Variants in RAB27B observed in about 807,000 individuals in gnomAD.
RAB27B encodes RAB27B, member RAS oncogene family, also known as ras-related protein Rab-27B.
A neutral mutation model predicts 24.6 loss-of-function variants in RAB27B; 15 were observed. The ratio of observed to expected loss-of-function variants is 0.61; its 90% CI spans 0.41 to 0.94. The LOEUF is 0.94. Ranked by LOEUF, RAB27B falls within the 40% of genes least tolerant of loss-of-function variation. The pLI, the probability that RAB27B is intolerant of heterozygous loss-of-function variation, is 0.00. For synonymous variants in RAB27B, 105 were observed against 92.5 expected (o/e 1.14, Z -0.78); for missense variants, 261 against 266.8 (o/e 0.98, Z 0.15).
intron 1 of RAB27B, among the ~76,000 whole-genome samples, chr18:54,831,904 T>G (rs1910695311): frequency 1.3e-5 from 2 of 152,152 alleles, no homozygotes; most frequent in South Asian, 4.1e-4. Context: ...GCCTCCTGAA[T>G]AGCTGGGACT....
chr18:54,888,189 A>C (rs1913224021), intron 5 of RAB27B, 71 bp downstream of exon 5: 1 of 1,530,878 alleles, frequency 6.5e-7, no homozygotes, highest in Non-Finnish European at 8.9e-7. Context: ...GAGACATTAG[A>C]TTGATATTAG....
At chr18:54,737,637 G>A (rs1909937523) in intron 2 of RAB27B, among the ~76,000 whole-genome samples, 1 of 151,960 alleles carries the variant, frequency 6.6e-6, no homozygotes, top group Non-Finnish European at 1.5e-5. Context: ...TGCAGTGCCT[G>A]GCAAAGAGAG....
chr18:54,865,237 TTGTGTGTGTGTGTGTGTG>T (rs3060044), intron 1 of RAB27B, among the ~76,000 whole-genome samples: 7 of 143,486 alleles, frequency 4.9e-5, no homozygotes, highest in East Asian at 4.1e-4. Flanking sequence ...CAATGGCCTT[TTGTGTGTGTGTGTGTGTG>T]TGTGTGTGTG....
At chr18:54,829,779 G>A (rs1598937167) in intron 1 of RAB27B, among the ~76,000 whole-genome samples, 2 of 152,238 alleles carry the variant, frequency 1.3e-5, no homozygotes, top group East Asian at 3.9e-4. Flanking sequence ...AGTCCATATT[G>A]CAGTGATGAA....
At chr18:54,873,967 T>C (rs915758667) in intron 1 of RAB27B, among the ~76,000 whole-genome samples, 1 of 152,184 alleles carries the variant, frequency 6.6e-6, no homozygotes, top group Non-Finnish European at 1.5e-5. Context: ...CCTTCACTTA[T>C]AGAAAAGAGG....
At chr18:54,783,349 G>A (rs1342701774) in intron 2 of RAB27B, among the ~76,000 whole-genome samples, 1 of 152,024 alleles carries the variant, frequency 6.6e-6, no homozygotes, top group African/African-American at 2.4e-5. Flanking sequence ...TTTGAAGAAT[G>A]TATTTTATCA....
chr18:54,839,180 C>T (rs760148308), intron 1 of RAB27B, among the ~76,000 whole-genome samples: 3 of 152,052 alleles, frequency 2.0e-5, no homozygotes, highest in Admixed American at 6.6e-5. Flanking sequence ...TAAGCAACCC[C>T]GTTTTCAGCT....
intron 2 of RAB27B, among the ~76,000 whole-genome samples, chr18:54,763,676 A>T (rs554961096): frequency 2.0e-5 from 3 of 152,282 alleles, no homozygotes; most frequent in South Asian, 2.1e-4. Context: ...GGGTAGGAAG[A>T]GTCTCTGCCA....
rs961888729 is a variant in RAB27B, at chr18:54,890,232, A to G, written c.*819A>G. 6.6e-6 allele frequency: 1 copy of G among 152,170 alleles called. No homozygotes were observed. The highest frequency in any genetic ancestry group is 1.5e-5 in the Non-Finnish European group (1 of 68,014). The allele number at this position is 152,170 out of a possible 1,614,324, so 9.4% of individuals were successfully genotyped here. On this transcript the variant is annotated 3_prime_UTR_variant, in exon 6 of 6. Coordinates refer to ENST00000262094, the MANE Select transcript of RAB27B (RefSeq NM_004163.4). Reference sequence around the variant, plus strand: ...AAGCCAATTAGGAGCTGATATTATCAGTTGGAATTAAGAGAACTCCAGAGG... The same window carrying G: ...AAGCCAATTAGGAGCTGATATTATCGGTTGGAATTAAGAGAACTCCAGAGG...
chr18:54,776,280 A>G (rs1451747827), intron 2 of RAB27B, among the ~76,000 whole-genome samples: 1 of 152,218 alleles, frequency 6.6e-6, no homozygotes, highest in African/African-American at 2.4e-5. Context: ...TTCCACCCCA[A>G]CTACCAAGTA....
chr18:54,819,909 T>C (rs1453225146), intron 2 of RAB27B, among the ~76,000 whole-genome samples: 1 of 151,362 alleles, frequency 6.6e-6, no homozygotes, highest in African/African-American at 2.4e-5. Flanking sequence ...CTGAGAATGA[T>C]AGTTTCCAGC....
intron 1 of RAB27B, among the ~76,000 whole-genome samples, chr18:54,834,681 A>ATGTGTG (rs1555661319): frequency 6.7e-6 from 1 of 150,030 alleles, no homozygotes; most frequent in African/African-American, 2.5e-5. Context: ...GTGTATATAT[A>ATGTGTG]TGTGTGTGTG....
intron 1 of RAB27B, among the ~76,000 whole-genome samples, chr18:54,853,136 G>A (rs1316985412): frequency 6.6e-6 from 1 of 152,158 alleles, no homozygotes; most frequent in Non-Finnish European, 1.5e-5. Flanking sequence ...TTCAGTAAAG[G>A]TTGGATGAAC....
chr18:54,725,779 GTC>G (rs1254328368), intron 2 of RAB27B, among the ~76,000 whole-genome samples: 1 of 151,468 alleles, frequency 6.6e-6, no homozygotes, highest in African/African-American at 2.4e-5. Flanking sequence ...TCTCCACCTG[GTC>G]TCTGTCACGA....
At position 54,889,474 on chromosome 18, in the gene RAB27B, C is replaced by G. The variant is rs578239425; in HGVS notation, c.*61C>G. The G allele has an allele frequency of 7.0e-6, 10 of 1,426,266 alleles. No individual in the cohort carries two copies. In the South Asian group the frequency reaches 7.2e-5, roughly 10 times the overall value. The allele number at this position is 1,426,266 out of a possible 1,614,324, so 88.4% of individuals were successfully genotyped here. A position where few individuals can be genotyped will look rare whatever the true frequency, so the allele number is the denominator to read the frequency against. On this transcript the variant is annotated 3_prime_UTR_variant, in exon 6 of 6. Transcript: ENST00000262094. ...AAAATATTACTTTTAAAAACAATGA[C>G]AAACCACACAATTGTTGTTGAGTAA... is the stretch of plus-strand genomic sequence containing the variant.
intron 1 of RAB27B, among the ~76,000 whole-genome samples, chr18:54,865,142 A>G (rs1912161435): frequency 6.6e-6 from 1 of 152,280 alleles, no homozygotes; most frequent in East Asian, 1.9e-4. Flanking sequence ...ATGCAAATAC[A>G]TCAGGCACTG....
intron 2 of RAB27B, among the ~76,000 whole-genome samples, chr18:54,750,394 A>T (rs1419364232): frequency 1.3e-5 from 2 of 152,194 alleles, no homozygotes; most frequent in African/African-American, 2.4e-5. Context: ...TGCACTGAAC[A>T]ACTGTATAGA....
chr18:54,875,963 A>G lies in RAB27B; in HGVS notation c.-19-1604A>G, dbSNP rs560673330. 3.3e-5 allele frequency among the ~76,000 whole-genome samples: 5 copies of G among 152,326 alleles called. 1 individual carries two copies. The highest frequency in any genetic ancestry group is 1.2e-4 in the African/African-American group (5 of 41,576). Reference sequence around the variant, plus strand: ...TCTAGTGATTTTAGATATGTCCTCTATTAGTCCATTTTCATACTGCTATAG... The same window carrying G: ...TCTAGTGATTTTAGATATGTCCTCTGTTAGTCCATTTTCATACTGCTATAG... On this transcript the variant is annotated intron_variant, in intron 1 of 5. Transcript: ENST00000262094.
chr18:54,854,991 T>C (rs938297806), intron 1 of RAB27B, among the ~76,000 whole-genome samples: 2 of 152,200 alleles, frequency 1.3e-5, no homozygotes, highest in Non-Finnish European at 2.9e-5. Flanking sequence ...TACCTTGTAA[T>C]ATATAATGAA....
Sources: gnomAD v4.1 joint callset for allele counts (sites outside exome capture counted in the v4.1 genomes callset) on GRCh38, gnomAD v4.1.1 for gene constraint, MANE v1.5 for transcripts, NCBI Gene and HGNC (gene_info 2026-07-23, HGNC 2026-07-21) for gene names.